PRR16: variants seen among roughly 807,000 people sequenced by gnomAD.
The protein encoded by PRR16 is protein Largen.
Under a neutral mutation model 18.2 loss-of-function variants are expected in PRR16, and 6 were observed. The observed-to-expected ratio is 0.33, with a 90% CI of 0.18 to 0.65. The LOEUF (loss-of-function observed/expected upper bound fraction) is 0.65, where lower values mean the gene tolerates loss of function less well. PRR16 is among the 30% of genes least tolerant of loss of function. PRR16 has a pLI of 0.74. For missense variants in PRR16, 412 were observed against 376.6 expected, an observed-to-expected ratio of 1.09 and a Z score of -0.78; for synonymous variants, 151 against 147.8, an observed-to-expected ratio of 1.02 and a Z score of -0.16.
At chr5:120,751,978 A>G in the PRR16 span, among the ~76,000 whole-genome samples, 11 of 152,098 alleles carry the variant, frequency 7.2e-5, no homozygotes, top group Admixed American at 2.6e-4. Context: ...TTATCTTTAA[A>G]ATTGTTCATT....
intron 1 of PRR16, among the ~76,000 whole-genome samples, chr5:120,587,600 A>G (rs1753488814): frequency 2.0e-5 from 3 of 152,224 alleles, no homozygotes. Context: ...ATCTGTTTAC[A>G]GCACGATAAA....
chr5:120,643,669 G>A (rs1365095317), intron 1 of PRR16, among the ~76,000 whole-genome samples: 1 of 152,034 alleles, frequency 6.6e-6, no homozygotes, highest in Non-Finnish European at 1.5e-5. Context: ...TAGGACCTCA[G>A]TAAACCTGGA....
At chr5:120,765,327 T>G in the PRR16 span, among the ~76,000 whole-genome samples, 1 of 152,012 alleles carries the variant, frequency 6.6e-6, no homozygotes, top group Non-Finnish European at 1.5e-5. Flanking sequence ...TTTTGATGAT[T>G]CAAATGTCCC....
chr5:120,573,018 G>A (rs1039843903), intron 1 of PRR16, among the ~76,000 whole-genome samples: 1 of 152,090 alleles, frequency 6.6e-6, no homozygotes, highest in African/African-American at 2.4e-5. Flanking sequence ...AGCTAGTATG[G>A]ACAAAATCCA....
chr5:120,785,359 A>G, the PRR16 span, among the ~76,000 whole-genome samples: 1 of 152,082 alleles, frequency 6.6e-6, no homozygotes, highest in East Asian at 1.9e-4. Flanking sequence ...GAACATGACC[A>G]ATTACAAGAA....
chr5:120,667,402 C>A (rs928726488), intron 1 of PRR16, among the ~76,000 whole-genome samples: 1 of 152,038 alleles, frequency 6.6e-6, no homozygotes, highest in Middle Eastern at 3.2e-3. Flanking sequence ...TTTTAAAAAA[C>A]CAGCTCCTGG....
At chr5:120,758,228 G>A in the PRR16 span, among the ~76,000 whole-genome samples, 54 of 152,102 alleles carry the variant, frequency 3.6e-4, no homozygotes, top group Middle Eastern at 3.4e-3. Context: ...CAAATTTTTT[G>A]TATTCTCAAA....
rs984575170 is a variant in PRR16, at chr5:120,505,028, G to T, written c.159+40383G>T. ...GGCTGTTATTTGTTCCTGGACATTT[G>T]GAATATAATCTGGGGAATCATGCTA... On this transcript the variant is annotated intron_variant, in intron 1 of 1. Transcript: ENST00000407149. Among the ~76,000 whole-genome samples the T allele has an allele frequency of 4.1e-4, 63 of 151,978 alleles. 1 individual carries two copies. Among genetic ancestry groups the T allele is most frequent in the African/African-American group, 1.4e-3 (59 of 41,392 alleles).
intron 1 of PRR16, among the ~76,000 whole-genome samples, chr5:120,597,569 A>G (rs565888905): frequency 1.8e-4 from 27 of 151,942 alleles, no homozygotes; most frequent in Admixed American, 2.0e-4. Context: ...AACAACGTGT[A>G]GTCTTTCCCC....
the PRR16 span, among the ~76,000 whole-genome samples, chr5:120,734,394 A>G: frequency 6.6e-6 from 1 of 152,000 alleles, no homozygotes; most frequent in Non-Finnish European, 1.5e-5. Context: ...AGTTTTTCTC[A>G]TTTATAATAT....
chr5:120,467,532 C>T (rs1235411236), intron 1 of PRR16, among the ~76,000 whole-genome samples: 1 of 152,038 alleles, frequency 6.6e-6, no homozygotes, highest in African/African-American at 2.4e-5. Context: ...TGCTTTTCTT[C>T]ATAGAAGTTT....
the PRR16 span, among the ~76,000 whole-genome samples, chr5:120,792,665 C>T: frequency 6.6e-6 from 1 of 152,076 alleles, no homozygotes; most frequent in Non-Finnish European, 1.5e-5. Flanking sequence ...ATTATGTTTA[C>T]TTAGGTAAGA....
At chr5:120,735,385 G>T in the PRR16 span, among the ~76,000 whole-genome samples, 1 of 151,994 alleles carries the variant, frequency 6.6e-6, no homozygotes, top group Non-Finnish European at 1.5e-5. Context: ...TTCAAAAGTG[G>T]GGATATATAT....
the PRR16 span, among the ~76,000 whole-genome samples, chr5:120,740,896 A>G: frequency 6.6e-6 from 1 of 151,938 alleles, no homozygotes; most frequent in Non-Finnish European, 1.5e-5. Flanking sequence ...AAAAGGTATC[A>G]TTTAACTTTA....
chr5:120,764,423 T>G, the PRR16 span, among the ~76,000 whole-genome samples: 1 of 152,038 alleles, frequency 6.6e-6, no homozygotes, highest in African/African-American at 2.4e-5. Context: ...TGATCATTAT[T>G]TAATTTTTTT....
the PRR16 span, among the ~76,000 whole-genome samples, chr5:120,705,094 G>A: frequency 6.6e-6 from 1 of 151,644 alleles, no homozygotes; most frequent in South Asian, 2.1e-4. Flanking sequence ...AAAAAGGAGA[G>A]TACATTTCAA....
chr5:120,673,997 A>G (rs1756707237), intron 1 of PRR16, among the ~76,000 whole-genome samples: 1 of 151,772 alleles, frequency 6.6e-6, no homozygotes, highest in Non-Finnish European at 1.5e-5. Context: ...ATTCATCTAC[A>G]GTCTATGTAC....
rs1320596752 is a variant in PRR16, at chr5:120,636,410, T to C, written c.160-49544T>C. 3.9e-5 allele frequency among the ~76,000 whole-genome samples: 6 copies of C among 152,148 alleles called. No homozygotes were observed. In the East Asian group the frequency reaches 9.6e-4, roughly 24 times the overall value. On this transcript the variant is annotated intron_variant, in intron 1 of 1. Coordinates refer to ENST00000407149, the MANE Select transcript of PRR16 (RefSeq NM_001300783.2). The stretch of plus-strand genomic sequence containing the variant: ...GGCCATAGTCACCAAAACAGCATAG[T>C]AGCAGTATAAAAATAGGCACATAGA...
At chr5:120,649,362 A>C (rs1296312239) in intron 1 of PRR16, among the ~76,000 whole-genome samples, 1 of 152,162 alleles carries the variant, frequency 6.6e-6, no homozygotes, top group Admixed American at 6.6e-5. Context: ...AAGGAAGCCC[A>C]CATGATTCAC....
Sources: allele counts gnomAD v4.1 joint callset (sites outside exome capture counted in the v4.1 genomes callset), GRCh38; gene constraint gnomAD v4.1.1; transcripts MANE v1.5; gene names NCBI Gene and HGNC (gene_info 2026-07-23, HGNC 2026-07-21).